ARHGEF40: variants seen among roughly 807,000 people sequenced by gnomAD.
ARHGEF40 encodes the protein Rho guanine nucleotide exchange factor 40, also known as Rho guanine nucleotide exchange factor (GEF) 40.
Under a neutral mutation model 165.9 loss-of-function variants are expected in ARHGEF40, and 98 were observed. The ratio of observed to expected loss-of-function variants is 0.59; its 90% CI spans 0.50 to 0.70. ARHGEF40 has a LOEUF of 0.70. Among genes scored for constraint, ARHGEF40 ranks in the 30% least tolerant of loss-of-function variants. The pLI is 0.00. For missense variants in ARHGEF40, 1,815 were observed against 1,968.0 expected, an observed-to-expected ratio of 0.92 and a Z score of 1.47; for synonymous variants, 792 against 814.3, an observed-to-expected ratio of 0.97 and a Z score of 0.47.
At chr14:21,084,201 A>C in intron 17 of ARHGEF40, 151 bp downstream of exon 17, 2 of 705,136 alleles carry the variant, frequency 2.8e-6, no homozygotes, top group Non-Finnish European at 4.6e-6. Flanking sequence ...GAGTCACTGA[A>C]CTTCACTGGA....
Position 21,078,970 on chromosome 14 carries a change from A to G in ARHGEF40, c.2333A>G (p.Gln778Arg). The stretch of plus-strand genomic sequence containing the variant: ...GTGCGCCTCTCCAACCTGCACGTGC[A>G]GCAGCAAGAGCAGCGGCAGTGCCTG... ...QLVRLSNLHV[Q>R]QQEQRQCLRR... Residue 778 changes from glutamine (Q) to arginine (R), a missense_variant, in exon 11 of 24, where the codon CAG becomes CGG. By Grantham distance (43) the Gln-to-Arg change is conservative (BLOSUM62 1). Transcript: ENST00000298694. 1 of 1,614,138 alleles carries G rather than the reference A, an allele frequency of 6.2e-7. No individual in the cohort carries two copies. The highest frequency in any genetic ancestry group is 8.5e-7 in the Non-Finnish European group (1 of 1,179,974).
At chr14:21,069,208 G>A (rs1002348685), upstream of ARHGEF40, among the ~76,000 whole-genome samples, 33 of 152,220 alleles carry the variant, frequency 2.2e-4, no homozygotes, top group Admixed American at 3.3e-4. Context: ...GCTCCTGGGA[G>A]ACCCCCCATC....
intron 21 of ARHGEF40, 156 bp downstream of exon 21, chr14:21,087,619 G>C: frequency 9.3e-7 from 1 of 1,078,436 alleles, no homozygotes; most frequent in East Asian, 2.6e-5. Context: ...CTTCCATCTG[G>C]TTGCTAGGGT....
Position 21,070,524 on chromosome 14 carries a change from C to T in ARHGEF40, c.3+125C>T. The T allele has an allele frequency of 2.5e-6, 3 of 1,178,828 alleles. No homozygotes were observed. Among genetic ancestry groups the T allele is most frequent in the Non-Finnish European group, 2.3e-6 (2 of 880,312 alleles). 73.0% of individuals were successfully genotyped at this position (1,178,828 alleles called of 1,614,324 possible). On this transcript the variant is annotated intron_variant, in intron 1 of 23. Transcript: ENST00000298694. This position sits in a 1 kb window ranked among gnomAD's most constrained non-coding sequence, Gnocchi z 4.7. The stretch of plus-strand genomic sequence containing the variant: ...ACTGTTCGGCCCCTCTGGGACTCTC[C>T]TCCCTCCCATCCCCCCTTCTTCGAT...
In ARHGEF40 at chr14:21,081,552, C is replaced by T. The variant is rs768822758; in HGVS notation, c.2684C>T (p.Ala895Val). 11 of 1,613,078 alleles carry T rather than the reference C, an allele frequency of 6.8e-6. No individual in the cohort carries two copies. Among genetic ancestry groups the T allele is most frequent in the Admixed American group, 6.7e-5 (4 of 60,004 alleles). The change falls in exon 14 of 24, where the codon GCT becomes GTT. Residue 895 changes from alanine to valine, a missense_variant. By Grantham distance (64) the Ala-to-Val change is moderately conservative. Coordinates refer to ENST00000298694, the MANE Select transcript of ARHGEF40 (RefSeq NM_018071.5). ...GAGGGCTTTGCTCGGCTGGCAGGAG[C>T]TGGGCCGGGTCGGGAGGCTGTGCTG... Reference protein sequence around the residue: ...VDEGFARLAGAGPGREAVLAA... With the variant: ...VDEGFARLAGVGPGREAVLAA...
chr14:21,090,159 A>C lies in ARHGEF40; in HGVS notation c.*1151A>C. ...AATCGTACCAAAAATAGCGACGTCT[A>C]CAGGGCCCCTGATGGGGCTAGAAGG... On this transcript the variant is annotated 3_prime_UTR_variant, in exon 24 of 24. Transcript: ENST00000298694. This position sits in a 1 kb window ranked among gnomAD's most constrained non-coding sequence, Gnocchi z 4.4. 1 of 494,742 alleles carries C rather than the reference A, an allele frequency of 2.0e-6. No individual in the cohort carries two copies. 30.6% of individuals were successfully genotyped at this position (494,742 alleles called of 1,614,324 possible). A position where few individuals can be genotyped will look rare whatever the true frequency, so the allele number is the denominator to read the frequency against.
At chr14:21,067,006 T>G (rs373156087), upstream of ARHGEF40, among the ~76,000 whole-genome samples, 33 of 152,292 alleles carry the variant, frequency 2.2e-4, no homozygotes, top group African/African-American at 7.5e-4. Context: ...GGTCCTTCAT[T>G]AATTCCCCCT....
rs115781388 is a variant in ARHGEF40, at chr14:21,085,791, A to G, written c.4063A>G (p.Thr1355Ala). Reference protein sequence around the residue: ...RAREAYTLQATSPEIKLKWTS... With the variant: ...RAREAYTLQAASPEIKLKWTS... ...ACGAGAGGCATACACTCTGCAGGCAACCTCACCAGAGATCAAACTCAAGTG... is the reference window on the plus strand; with the variant it reads ...ACGAGAGGCATACACTCTGCAGGCAGCCTCACCAGAGATCAAACTCAAGTG... Residue 1355 changes from threonine to alanine, a missense_variant, in exon 19 of 24, where the codon ACC (threonine) becomes GCC (alanine). Transcript: ENST00000298694. 3 of 1,614,152 alleles carry G rather than the reference A, an allele frequency of 1.9e-6. No individual in the cohort carries two copies. The East Asian group carries it at 6.7e-5, about 36-fold the overall frequency.
At position 21,082,021 on chromosome 14, in the gene ARHGEF40, G is replaced by A. The variant is rs541401757; in HGVS notation, c.3153G>A (p.Thr1051=). The A allele has an allele frequency of 2.1e-5, 33 of 1,570,696 alleles. No individual in the cohort carries two copies. The highest frequency in any genetic ancestry group is 4.6e-5 in the South Asian group (4 of 86,054). The change falls in exon 14 of 24, where the codon ACG becomes ACA. Residue 1051 remains threonine, a synonymous_variant. Transcript: ENST00000298694. ...EVTSTEVVDR[T]CSPREHVLLG... Reference sequence around the variant, plus strand: ...CCAGCACTGAGGTGGTAGACAGGACGTGCTCACCACGGGAACACGTGCTGC... The same window carrying A: ...CCAGCACTGAGGTGGTAGACAGGACATGCTCACCACGGGAACACGTGCTGC...
upstream of ARHGEF40, among the ~76,000 whole-genome samples, chr14:21,068,163 C>G (rs1249829269): frequency 4.1e-5 from 2 of 49,294 alleles, 1 homozygote; most frequent in African/African-American, 8.8e-5. Flanking sequence ...CCACGCCCGG[C>G]TAATTTTTTG....
At position 21,074,578 on chromosome 14, in the gene ARHGEF40, A is replaced by G. The variant is rs1427057626; in HGVS notation, c.848A>G (p.His283Arg). 1.3e-6 allele frequency: 2 copies of G among 1,558,022 alleles called. No individual in the cohort carries two copies. The highest frequency in any genetic ancestry group is 1.7e-6 in the Non-Finnish European group (2 of 1,151,932). ...TRKGAGGKGRHRRHRAWMHQK... is the reference protein window; with the variant it reads ...TRKGAGGKGRRRRHRAWMHQK... ...AAGGGCGCTGGAGGGAAGGGCCGCC[A>G]CCGGAGACACCGGGCGTGGATGCAC... The change falls in exon 3 of 24, where the codon CAC becomes CGC. Residue 283 changes from histidine (H) to arginine (R), a missense_variant. Coordinates refer to ENST00000298694, the MANE Select transcript of ARHGEF40 (RefSeq NM_018071.5). The surrounding 1 kb of genome is among the most constrained non-coding windows in gnomAD (Gnocchi z 4.8).
intron 16 of ARHGEF40, 63 bp downstream of exon 16, chr14:21,082,980 C>G: frequency 6.8e-7 from 1 of 1,461,788 alleles, no homozygotes; most frequent in Non-Finnish European, 9.6e-7. Context: ...AAAACCCACC[C>G]AACAAATCCC....
chr14:21,070,159 G>A (rs1458663678), upstream of ARHGEF40: 4 of 224,576 alleles, frequency 1.8e-5, no homozygotes, highest in Non-Finnish European at 3.3e-5. The surrounding 1 kb of genome is among the most constrained non-coding windows in gnomAD (Gnocchi z 4.7). Flanking sequence ...CAGAGTCCCG[G>A]CAAGGGGTCC....
upstream of ARHGEF40, chr14:21,070,201 G>A (rs1042933521): frequency 6.0e-6 from 2 of 332,362 alleles, no homozygotes; most frequent in Non-Finnish European, 4.9e-6. This position sits in a 1 kb window ranked among gnomAD's most constrained non-coding sequence, Gnocchi z 4.7. Flanking sequence ...GCTGAAGGGC[G>A]GGGCGGGGAG....
chr14:21,075,120 C>A lies in ARHGEF40; in HGVS notation c.1390C>A (p.Pro464Thr). Residue 464 changes from proline to threonine, a missense_variant, in exon 3 of 24, where the codon CCT (proline) becomes ACT (threonine). Pro to Thr is a conservative substitution (Grantham distance 38). Transcript: ENST00000298694. The surrounding 1 kb of genome is among the most constrained non-coding windows in gnomAD (Gnocchi z 4.5). ...GCCTCAGCTCTCTGAAGCCTGTGGG[C>A]CTACAGAAGAGGGGGCCGGAGAGAG... ...KEPQLSEACG[P>T]TEEGAGEREL... is the part of the protein sequence containing the mutation. 6.2e-7 allele frequency: 1 copy of A among 1,613,404 alleles called. No homozygotes were observed. The highest frequency in any genetic ancestry group is 8.5e-7 in the Non-Finnish European group (1 of 1,179,888).
rs1458879266 is a variant in ARHGEF40, at chr14:21,073,149, GGA to G, written c.112_113del (p.Arg38AspfsTer40). ...TGTTGGGCCAGGTGTTCCAGGTGGTGGAGAGGACTTATCGGGAGGACGCACTG... is the reference window on the plus strand; with the variant it reads ...TGTTGGGCCAGGTGTTCCAGGTGGTGGAGGACTTATCGGGAGGACGCACTG... ...TLLGQVFQVV[E>X]RTYREDALRY... On this transcript the variant is annotated frameshift_variant, in exon 2 of 24. Transcript: ENST00000298694. LOFTEE classifies it high-confidence loss of function. The surrounding 1 kb of genome is among the most constrained non-coding windows in gnomAD (Gnocchi z 4.6). 1 of 1,614,150 alleles carries G rather than the reference GGA, an allele frequency of 6.2e-7. No homozygotes were observed. Among genetic ancestry groups the G allele is most frequent in the Non-Finnish European group, 8.5e-7 (1 of 1,180,018 alleles).
chr14:21,074,197 A>T lies in ARHGEF40; in HGVS notation c.467A>T (p.Asp156Val). The T allele has an allele frequency of 6.2e-7, 1 of 1,614,100 alleles. No homozygotes were observed. Among genetic ancestry groups the T allele is most frequent in the East Asian group, 2.2e-5 (1 of 44,880 alleles). Reference sequence around the variant, plus strand: ...GAGTGGCTACAAGGCATCAACAAGGACCGGCCAACAGGTCGCCTCAGTACC... The same window carrying T: ...GAGTGGCTACAAGGCATCAACAAGGTCCGGCCAACAGGTCGCCTCAGTACC... ...TPEWLQGINK[D>V]RPTGRLSTCL... is the part of the protein sequence containing the mutation. Residue 156 changes from aspartate (D) to valine (V), a missense_variant, in exon 3 of 24, where the codon GAC becomes GTC. Coordinates refer to ENST00000298694, the MANE Select transcript of ARHGEF40 (RefSeq NM_018071.5). This position sits in a 1 kb window ranked among gnomAD's most constrained non-coding sequence, Gnocchi z 4.8.
In ARHGEF40 at chr14:21,075,269, T is replaced by G; in HGVS notation, c.1451-63T>G. The G allele has an allele frequency of 6.2e-7, 1 of 1,600,256 alleles. No homozygotes were observed. Among genetic ancestry groups the G allele is most frequent in the South Asian group, 1.1e-5 (1 of 88,556 alleles). ...GGCAGGAGGAGGAGCAGGGTTAGGC[T>G]GGGAGCAGAACAACCAGAACCATCT... On this transcript the variant is annotated intron_variant, in intron 3 of 23. Transcript: ENST00000298694. This position sits in a 1 kb window ranked among gnomAD's most constrained non-coding sequence, Gnocchi z 4.5.
In ARHGEF40 at chr14:21,075,397, G is replaced by A. The variant is rs1309387090; in HGVS notation, c.1516G>A (p.Gly506Arg). 3 of 1,614,218 alleles carry A rather than the reference G, an allele frequency of 1.9e-6. No homozygotes were observed. Among genetic ancestry groups the A allele is most frequent in the Non-Finnish European group, 2.5e-6 (3 of 1,180,046 alleles). ...PTPPLETVQEGKGDNIPEEAL... is the reference protein window; with the variant it reads ...PTPPLETVQERKGDNIPEEAL... ...ACCTCCGCTGGAGACTGTGCAGGAA[G>A]GAAAAGGGGACAACATTCCAGAAGA... Residue 506 changes from glycine to arginine, a missense_variant, in exon 4 of 24, where the codon GGA (glycine) becomes AGA (arginine). By Grantham distance (125) the Gly-to-Arg change is moderately radical (BLOSUM62 -2). Transcript: ENST00000298694. The surrounding 1 kb of genome is among the most constrained non-coding windows in gnomAD (Gnocchi z 4.5).
Sources: allele counts gnomAD v4.1 joint callset (sites outside exome capture counted in the v4.1 genomes callset), GRCh38; gene constraint gnomAD v4.1.1; non-coding constraint Gnocchi (gnomAD v3.1); transcripts MANE v1.5; gene names NCBI Gene and HGNC (gene_info 2026-07-23, HGNC 2026-07-21).